CDC25A: variants seen among roughly 807,000 people sequenced by gnomAD.
CDC25A encodes cell division cycle 25A.
CDC25A carries 17 observed loss-of-function variants against 64.6 expected under a neutral mutation model. That is an observed-to-expected ratio of 0.26 (90% CI 0.18 to 0.39). The LOEUF is 0.39. CDC25A is among the 10% of genes least tolerant of loss of function. The probability of loss-of-function intolerance (pLI) is 1.00; values close to 1 mark genes in which losing one functional copy is unlikely to be tolerated. For missense variants in CDC25A, 473 were observed against 654.8 expected, an observed-to-expected ratio of 0.72 and a Z score of 3.03; for synonymous variants, 229 against 238.6, an observed-to-expected ratio of 0.96 and a Z score of 0.37.
Position 48,184,705 on chromosome 3 carries a change from A to G in CDC25A, c.248-10T>C. 1 of 1,573,216 alleles carries G rather than the reference A, an allele frequency of 6.4e-7. No individual in the cohort carries two copies. The highest frequency in any genetic ancestry group is 8.6e-7 in the Non-Finnish European group (1 of 1,163,404). On this transcript the variant is annotated splice_polypyrimidine_tract_variant and intron_variant, in intron 2 of 14. Coordinates refer to ENST00000302506, the MANE Select transcript of CDC25A (RefSeq NM_001789.3). ...GAATCTAGACAGAAACCTATGGGGA[A>G]AAAAAAAACCTCTCAAGAAATAATA...
chr3:48,170,695 T>C (rs3731532), intron 9 of CDC25A, among the ~76,000 whole-genome samples: 143,341 of 152,252 alleles, frequency 0.94, 67,567 homozygotes, highest in Non-Finnish European at 0.97. Flanking sequence ...TTTCCGTAGA[T>C]ATTGGAGGGT....
intron 13 of CDC25A, among the ~76,000 whole-genome samples, chr3:48,160,196 T>C (rs2031690313): frequency 6.6e-6 from 1 of 152,018 alleles, no homozygotes; most frequent in South Asian, 2.1e-4. Flanking sequence ...CACTGCAATC[T>C]CCGTCTCCCG....
At chr3:48,182,571 A>T (rs1446453052) in intron 5 of CDC25A, among the ~76,000 whole-genome samples, 1 of 152,234 alleles carries the variant, frequency 6.6e-6, no homozygotes, top group Non-Finnish European at 1.5e-5. Flanking sequence ...CAGCCTGGGC[A>T]GAGCCTTCCA....
intron 9 of CDC25A, among the ~76,000 whole-genome samples, chr3:48,170,050 T>G (rs1034081272): frequency 6.6e-6 from 1 of 151,262 alleles, no homozygotes; most frequent in Non-Finnish European, 1.5e-5. Flanking sequence ...AATTTAGCCC[T>G]GTATGATATG....
Position 48,158,853 on chromosome 3 carries a change from C to T in CDC25A, c.*92G>A, listed in dbSNP as rs2031632303. 8.8e-6 allele frequency: 13 copies of T among 1,478,300 alleles called. No individual in the cohort carries two copies. Among genetic ancestry groups the T allele is most frequent in the Non-Finnish European group, 1.2e-5 (13 of 1,083,998 alleles). The allele number at this position is 1,478,300 out of a possible 1,614,324, so 91.6% of individuals were successfully genotyped here. A position where few individuals can be genotyped will look rare whatever the true frequency, so the allele number is the denominator to read the frequency against. ...CCAGGCCCCCTCTCCAAATGTCACA[C>T]AGCTGTCCCCTTTGCTTAAGTTTCT... On this transcript the variant is annotated 3_prime_UTR_variant, in exon 15 of 15. Coordinates refer to ENST00000302506, the MANE Select transcript of CDC25A (RefSeq NM_001789.3).
intron 10 of CDC25A, among the ~76,000 whole-genome samples, 195 bp downstream of exon 10, chr3:48,167,651 A>AT (rs1215035318): frequency 1.3e-5 from 2 of 152,232 alleles, no homozygotes; most frequent in African/African-American, 4.8e-5. Context: ...AGCTATAGTG[A>AT]TATCTACAGT....
At chr3:48,187,369 A>G (rs2032878899) in intron 1 of CDC25A, among the ~76,000 whole-genome samples, 1 of 152,252 alleles carries the variant, frequency 6.6e-6, no homozygotes, top group African/African-American at 2.4e-5. Flanking sequence ...TCCTTTGTTG[A>G]GAAGGAACAA....
At chr3:48,184,416 C>G (rs895144894) in intron 3 of CDC25A, among the ~76,000 whole-genome samples, 2 of 152,120 alleles carry the variant, frequency 1.3e-5, no homozygotes, top group Non-Finnish European at 2.9e-5. Context: ...TGTCAGAGCA[C>G]AGAGTAAGGG....
In CDC25A at chr3:48,159,877, C is replaced by T. The variant is rs542012996; in HGVS notation, c.1323-422G>A. On this transcript the variant is annotated intron_variant, in intron 13 of 14. Transcript: ENST00000302506. Reference sequence around the variant, plus strand: ...AAAGAGGCTGAACTTGCTCCTGCCTCGGGGCCCTGTTTCTATCCTCTACTT... The same window carrying T: ...AAAGAGGCTGAACTTGCTCCTGCCTTGGGGCCCTGTTTCTATCCTCTACTT... 2.0e-3 allele frequency among the ~76,000 whole-genome samples: 300 copies of T among 152,268 alleles called. 3 individuals carry two copies. Among genetic ancestry groups the T allele is most frequent in the African/African-American group, 6.7e-3 (278 of 41,556 alleles).
intron 2 of CDC25A, 92 bp downstream of exon 2, chr3:48,186,611 T>C: frequency 1.3e-6 from 1 of 744,618 alleles, no homozygotes; most frequent in Admixed American, 2.5e-5. Flanking sequence ...TGCCATGACT[T>C]CCTCAAGTTC....
At chr3:48,166,325 C>A (rs1283308044) in intron 10 of CDC25A, among the ~76,000 whole-genome samples, 1 of 152,106 alleles carries the variant, frequency 6.6e-6, no homozygotes, top group Non-Finnish European at 1.5e-5. Context: ...TTAGTTAGTA[C>A]ACACTAGTTA....
At chr3:48,168,360 C>CCACACACA (rs58104019) in intron 9 of CDC25A, among the ~76,000 whole-genome samples, 5,659 of 106,516 alleles carry the variant, frequency 0.053, 292 homozygotes, top group East Asian at 0.089. Flanking sequence ...AAGACCCTGT[C>CCACACACA]CACACACACA....
In CDC25A at chr3:48,181,517, G is replaced by C. The variant is rs3731505; in HGVS notation, c.430-677C>G. 1.5e-4 allele frequency: 179 copies of C among 1,223,414 alleles called. No homozygotes were observed. In the East Asian group the frequency reaches 3.7e-3, roughly 25 times the overall value. The allele number at this position is 1,223,414 out of a possible 1,614,324, so 75.8% of individuals were successfully genotyped here. On this transcript the variant is annotated intron_variant, in intron 5 of 14. Transcript: ENST00000302506. ...TGAGTTCCCCGTTGCCCTTGGTCTC[G>C]GGGTCGCGGTCGGCACTGAGGCTGC...
chr3:48,174,149 A>C, intron 9 of CDC25A, 135 bp downstream of exon 9: 4 of 728,016 alleles, frequency 5.5e-6, no homozygotes, highest in African/African-American at 1.8e-5. Flanking sequence ...ACACACACAC[A>C]CCCACACACA....
chr3:48,173,781 G>A (rs917684599), intron 9 of CDC25A, among the ~76,000 whole-genome samples: 2 of 152,096 alleles, frequency 1.3e-5, no homozygotes, highest in Admixed American at 6.6e-5. Context: ...TACATAGACC[G>A]GAGACTCACA....
In CDC25A at chr3:48,158,758, G is replaced by C. The variant is rs933325273; in HGVS notation, c.*187C>G. The C allele has an allele frequency of 1.5e-6, 1 of 653,302 alleles. No homozygotes were observed. Among genetic ancestry groups the C allele is most frequent in the African/African-American group, 1.8e-5 (1 of 55,328 alleles). 40.5% of individuals were successfully genotyped at this position (653,302 alleles called of 1,614,324 possible). A position where few individuals can be genotyped will look rare whatever the true frequency, so the allele number is the denominator to read the frequency against. On this transcript the variant is annotated 3_prime_UTR_variant, in exon 15 of 15. Coordinates refer to ENST00000302506, the MANE Select transcript of CDC25A (RefSeq NM_001789.3). ...GAGGACGTCTAACAGGGACAGAAGA[G>C]GCGTAGCCAGCAAGATGCCCTGGGC... is the stretch of plus-strand genomic sequence containing the variant.
chr3:48,181,484 T>C (rs1306781688), intron 5 of CDC25A: 28 of 795,826 alleles, frequency 3.5e-5, no homozygotes, highest in Non-Finnish European at 5.9e-5. Context: ...AGCACTGGCG[T>C]GGGTGGCTGA....
At position 48,180,794 on chromosome 3, in the gene CDC25A, C is replaced by T. The variant is rs1308116667; in HGVS notation, c.476G>A (p.Cys159Tyr). 3 of 1,613,738 alleles carry T rather than the reference C, an allele frequency of 1.9e-6. No homozygotes were observed. Among genetic ancestry groups the T allele is most frequent in the South Asian group, 2.2e-5 (2 of 91,074 alleles). The stretch of plus-strand genomic sequence containing the variant: ...CTCCTGGAGTCCATGAGAGTGCAGG[C>T]AGCCACGAGATACAGGTCTTACTGG... ...KKPVRPVSRG[C>Y]LHSHGLQEGK... Residue 159 changes from cysteine (C) to tyrosine (Y), a missense_variant, in exon 6 of 15, where the codon TGC becomes TAC. Cys to Tyr is a radical substitution (Grantham distance 194). Transcript: ENST00000302506.
chr3:48,166,976 T>C (rs1281649876), intron 10 of CDC25A, among the ~76,000 whole-genome samples: 1 of 152,214 alleles, frequency 6.6e-6, no homozygotes, highest in African/African-American at 2.4e-5. Context: ...GCTTGTTCTC[T>C]TCATTCTCCG....
Sources: gnomAD v4.1 joint callset for allele counts (sites outside exome capture counted in the v4.1 genomes callset) on GRCh38, gnomAD v4.1.1 for gene constraint, MANE v1.5 for transcripts, NCBI Gene and HGNC (gene_info 2026-07-23, HGNC 2026-07-21) for gene names.